CBFB: variants seen among roughly 807,000 people sequenced by gnomAD.
CBFB encodes CBF-beta.
In CBFB, 9 loss-of-function variants were observed where a neutral mutation model predicts 30.4. That is an observed-to-expected ratio of 0.30 (90% CI 0.18 to 0.52). CBFB has a LOEUF of 0.52. Among genes scored for constraint, CBFB ranks in the 20% least tolerant of loss-of-function variants. The pLI, the probability that CBFB is intolerant of heterozygous loss-of-function variation, is 0.97. For synonymous variants in CBFB, 94 were observed against 84.0 expected (o/e 1.12, Z -0.65); for missense variants, 170 against 244.0 (o/e 0.70, Z 2.02).
At chr16:67,068,954 C>T (rs779521888) in intron 4 of CBFB, among the ~76,000 whole-genome samples, 6 of 152,080 alleles carry the variant, frequency 3.9e-5, no homozygotes, top group Non-Finnish European at 8.8e-5. Context: ...TTGGCTCATG[C>T]CTATAATCCC....
intron 4 of CBFB, among the ~76,000 whole-genome samples, chr16:67,081,516 A>G (rs1039452002): frequency 2.0e-5 from 3 of 152,038 alleles, no homozygotes; most frequent in African/African-American, 4.8e-5. Context: ...GTCGGAATAA[A>G]AAAGGCTGGA....
At chr16:67,090,978 T>C (rs1961863768) in intron 5 of CBFB, among the ~76,000 whole-genome samples, 1 of 152,252 alleles carries the variant, frequency 6.6e-6, no homozygotes, top group African/African-American at 2.4e-5. Flanking sequence ...ACTTCAGTTT[T>C]CAAATTATTT....
intron 3 of CBFB, among the ~76,000 whole-genome samples, chr16:67,049,712 C>T (rs1966705654): frequency 1.3e-5 from 2 of 151,940 alleles, no homozygotes; most frequent in Admixed American, 1.3e-4. Flanking sequence ...GTCTCGAACT[C>T]CTGGCTGGGT....
rs1966299430 is a variant in CBFB, at chr16:67,029,713, G to C, written c.79-14G>C. On this transcript the variant is annotated splice_polypyrimidine_tract_variant and intron_variant, in intron 1 of 5. Transcript: ENST00000412916. ...CGGATTTGGCTCCTGATTTCGGGCC[G>C]TCTTGCCTTGCAGATTAAGTACACG... is the stretch of plus-strand genomic sequence containing the variant. The C allele has an allele frequency of 2.5e-6, 4 of 1,582,144 alleles. No individual in the cohort carries two copies. The highest frequency in any genetic ancestry group is 1.7e-4 in the Middle Eastern group (1 of 5,956).
At chr16:67,088,202 G>A (rs963752075) in intron 5 of CBFB, among the ~76,000 whole-genome samples, 1 of 152,048 alleles carries the variant, frequency 6.6e-6, no homozygotes, top group African/African-American at 2.4e-5. Flanking sequence ...GGGTTTGTGT[G>A]TCTTTTGGCA....
chr16:67,029,377 C>T lies in CBFB; in HGVS notation c.-31C>T. 6.8e-7 allele frequency: 1 copy of T among 1,477,092 alleles called. No homozygotes were observed. Among genetic ancestry groups the T allele is most frequent in the Non-Finnish European group, 9.0e-7 (1 of 1,110,928 alleles). The allele number at this position is 1,477,092 out of a possible 1,614,324, so 91.5% of individuals were successfully genotyped here. On this transcript the variant is annotated 5_prime_UTR_variant, in exon 1 of 6. Coordinates refer to ENST00000412916, the MANE Select transcript of CBFB (RefSeq NM_022845.3). Reference sequence around the variant, plus strand: ...CGGGTGCCCGCGCAAGCCCCGAGCGCGGCCGGCCGGCGCGGCCTCAGGGCG... The same window carrying T: ...CGGGTGCCCGCGCAAGCCCCGAGCGTGGCCGGCCGGCGCGGCCTCAGGGCG...
At chr16:67,065,160 A>G (rs138508094) in intron 3 of CBFB, among the ~76,000 whole-genome samples, 7,414 of 152,268 alleles carry the variant, frequency 0.049, 526 homozygotes, top group African/African-American at 0.16. Context: ...TGGCCTCCCA[A>G]AGTGCCGGGA....
intron 3 of CBFB, among the ~76,000 whole-genome samples, chr16:67,051,753 GT>G (rs200753813): frequency 6.2e-5 from 9 of 145,204 alleles, no homozygotes; most frequent in Non-Finnish European, 4.6e-5. Context: ...TTTTTTTTGT[GT>G]TTTTTTTTTT....
chr16:67,074,189 A>G (rs911316620), intron 4 of CBFB, among the ~76,000 whole-genome samples: 13 of 151,170 alleles, frequency 8.6e-5, no homozygotes, highest in East Asian at 1.9e-4. Flanking sequence ...TTACATTTCT[A>G]TATACCAGCA....
rs71145959 is a variant in CBFB, at chr16:67,095,210, C to CAAAA, written c.496-3477_496-3474dup. ...AGGCAACAAGAGCAAAAGTGTGTCT[C>CAAAA]AAAAAAAAAAAAAAAAAAAAAAAAA... On this transcript the variant is annotated intron_variant, in intron 5 of 5. Transcript: ENST00000412916. 4.7e-3 allele frequency among the ~76,000 whole-genome samples: 126 copies of CAAAA among 27,092 alleles called. 9 individuals carry two copies. Among genetic ancestry groups the CAAAA allele is most frequent in the African/African-American group, 0.014 (119 of 8,372 alleles). 17.8% of individuals were successfully genotyped at this position (27,092 alleles called of 152,430 possible).
At chr16:67,078,275 C>T (rs969377214) in intron 4 of CBFB, among the ~76,000 whole-genome samples, 7 of 152,176 alleles carry the variant, frequency 4.6e-5, no homozygotes, top group African/African-American at 1.4e-4. Context: ...AAGCTGGGCA[C>T]GGTGGCTCAT....
intron 4 of CBFB, among the ~76,000 whole-genome samples, chr16:67,073,896 A>C (rs1472227479): frequency 1.3e-5 from 2 of 151,576 alleles, no homozygotes; most frequent in Non-Finnish European, 2.9e-5. Flanking sequence ...TTAGCCGGGC[A>C]TGGTGGAGGG....
intron 4 of CBFB, among the ~76,000 whole-genome samples, chr16:67,072,700 A>G (rs1277769843): frequency 2.0e-5 from 3 of 151,938 alleles, no homozygotes; most frequent in Non-Finnish European, 2.9e-5. Context: ...TCCTGACCTC[A>G]GGTGATCTGC....
At chr16:67,081,389 A>G (rs1016906127) in intron 4 of CBFB, among the ~76,000 whole-genome samples, 2 of 152,088 alleles carry the variant, frequency 1.3e-5, no homozygotes, top group African/African-American at 4.8e-5. Flanking sequence ...GGCACTGTTC[A>G]CAATAGCAAA....
Position 67,085,673 on chromosome 16 carries a change from CTTTTTTTTTTT to C in CBFB, c.495+3377_495+3387del, listed in dbSNP as rs764788080. ...CTGCACCCAGCCTAAAATTTAGTAT[CTTTTTTTTTTT>C]TTTTTTTTTTTGAGACGGAGTCTCG... On this transcript the variant is annotated intron_variant, in intron 5 of 5. Transcript: ENST00000412916. 3.5e-5 allele frequency among the ~76,000 whole-genome samples: 4 copies of C among 115,470 alleles called. 1 individual carries two copies. The highest frequency in any genetic ancestry group is 1.4e-4 in the African/African-American group (4 of 29,292). 75.8% of individuals were successfully genotyped at this position (115,470 alleles called of 152,430 possible).
chr16:67,088,139 T>C (rs1231433628), intron 5 of CBFB, among the ~76,000 whole-genome samples: 3 of 152,180 alleles, frequency 2.0e-5, no homozygotes, highest in African/African-American at 7.2e-5. Flanking sequence ...TCTGGAAAAT[T>C]GGGCTGGAAT....
intron 3 of CBFB, among the ~76,000 whole-genome samples, chr16:67,057,203 G>A (rs1008853167): frequency 6.6e-6 from 1 of 151,108 alleles, no homozygotes; most frequent in Non-Finnish European, 1.5e-5. Flanking sequence ...GGCTGGTCTC[G>A]AACTTCTGAC....
chr16:67,034,779 G>A (rs558562032), intron 2 of CBFB, among the ~76,000 whole-genome samples: 1 of 152,230 alleles, frequency 6.6e-6, no homozygotes, highest in African/African-American at 2.4e-5. Flanking sequence ...ACACGGGGCA[G>A]TCGTTCATGG....
At chr16:67,048,743 C>T (rs565265518) in intron 3 of CBFB, among the ~76,000 whole-genome samples, 2 of 149,236 alleles carry the variant, frequency 1.3e-5, no homozygotes, top group East Asian at 2.0e-4. Context: ...TTAGTAGAGA[C>T]GGGTTTTCAC....
Sources: allele counts gnomAD v4.1 joint callset (sites outside exome capture counted in the v4.1 genomes callset), GRCh38; gene constraint gnomAD v4.1.1; transcripts MANE v1.5; gene names NCBI Gene and HGNC (gene_info 2026-07-23, HGNC 2026-07-21).